The following NKAIN2 variants were observed in gnomAD, a reference collection of about 807,000 sequenced individuals.
The protein encoded by NKAIN2 is sodium/potassium transporting ATPase interacting 2.
Under a neutral mutation model 32.6 loss-of-function variants are expected in NKAIN2, and 14 were observed. That is an observed-to-expected ratio of 0.43 (90% CI 0.28 to 0.67). The LOEUF is 0.67. Ranked by LOEUF, NKAIN2 falls within the 30% of genes least tolerant of loss-of-function variation. The pLI, the probability that NKAIN2 is intolerant of heterozygous loss-of-function variation, is 0.17. For synonymous variants in NKAIN2, 80 were observed against 87.2 expected (o/e 0.92, Z 0.46); for missense variants, 198 against 258.3 (o/e 0.77, Z 1.60).
intron 2 of NKAIN2, among the ~76,000 whole-genome samples, chr6:124,352,650 C>A (rs1238659561): frequency 6.6e-6 from 1 of 152,178 alleles, no homozygotes; most frequent in Non-Finnish European, 1.5e-5. Flanking sequence ...GTTTATTTAG[C>A]TCTCCATTAT....
chr6:124,137,166 G>A (rs1786847544), intron 1 of NKAIN2, among the ~76,000 whole-genome samples: 1 of 151,994 alleles, frequency 6.6e-6, no homozygotes, highest in Admixed American at 6.6e-5. Context: ...AAAATTTCAT[G>A]GTACAAAGTC....
chr6:124,333,377 C>T (rs761215899), intron 2 of NKAIN2, among the ~76,000 whole-genome samples: 3 of 151,984 alleles, frequency 2.0e-5, no homozygotes, highest in Non-Finnish European at 4.4e-5. Context: ...AATAAATGAA[C>T]TTAGGCTGGG....
chr6:124,060,768 T>A (rs1782887317), intron 1 of NKAIN2, among the ~76,000 whole-genome samples: 1 of 152,200 alleles, frequency 6.6e-6, no homozygotes, highest in Admixed American at 6.5e-5. Context: ...TATAAAACTT[T>A]AAGGTACAGC....
At chr6:124,023,904 G>A (rs1395751110) in intron 1 of NKAIN2, among the ~76,000 whole-genome samples, 2 of 152,056 alleles carry the variant, frequency 1.3e-5, no homozygotes, top group East Asian at 1.9e-4. Flanking sequence ...TGCTAGTAGT[G>A]TACTATATGG....
At chr6:124,099,833 A>G (rs139092214) in intron 1 of NKAIN2, among the ~76,000 whole-genome samples, 20 of 152,328 alleles carry the variant, frequency 1.3e-4, no homozygotes, top group Non-Finnish European at 2.1e-4. Context: ...CAAAATATCA[A>G]TAGTGCTGAG....
intron 3 of NKAIN2, among the ~76,000 whole-genome samples, chr6:124,481,778 A>G (rs1777461718): frequency 6.6e-6 from 1 of 152,124 alleles, no homozygotes; most frequent in South Asian, 2.1e-4. Flanking sequence ...AAATCTGTGG[A>G]TCCTGAGAGA....
chr6:124,344,168 T>C (rs1798283903), intron 2 of NKAIN2, among the ~76,000 whole-genome samples: 2 of 152,186 alleles, frequency 1.3e-5, no homozygotes, highest in Admixed American at 6.5e-5. Flanking sequence ...TTCTGAGGGC[T>C]CTGTTCTGTC....
intron 1 of NKAIN2, among the ~76,000 whole-genome samples, chr6:123,891,065 A>G (rs931565397): frequency 6.6e-6 from 1 of 152,256 alleles, no homozygotes; most frequent in South Asian, 2.1e-4. Context: ...CCTTGAATAC[A>G]TTTGCCAAGT....
chr6:124,328,383 T>C (rs905531448), intron 2 of NKAIN2, among the ~76,000 whole-genome samples: 1 of 152,236 alleles, frequency 6.6e-6, no homozygotes, highest in African/African-American at 2.4e-5. Context: ...CTTATTCTAC[T>C]ACTACAGTTT....
chr6:124,331,889 G>A (rs1797676454), intron 2 of NKAIN2, among the ~76,000 whole-genome samples: 1 of 152,070 alleles, frequency 6.6e-6, no homozygotes. Context: ...TGCTGATTTA[G>A]ACAAAACTCA....
intron 1 of NKAIN2, among the ~76,000 whole-genome samples, chr6:124,084,468 T>C (rs1003322432): frequency 6.6e-6 from 1 of 152,004 alleles, no homozygotes; most frequent in Non-Finnish European, 1.5e-5. Flanking sequence ...ACACCTTGTA[T>C]GTTCATGTAT....
chr6:124,357,526 G>GA (rs912112282), intron 3 of NKAIN2, among the ~76,000 whole-genome samples: 30 of 145,778 alleles, frequency 2.1e-4, no homozygotes, highest in East Asian at 8.0e-4. Flanking sequence ...CAATCCATCA[G>GA]AAAAAAAAAA....
chr6:123,944,666 GA>G (rs1448165744), intron 1 of NKAIN2, among the ~76,000 whole-genome samples: 37 of 151,978 alleles, frequency 2.4e-4, no homozygotes, highest in Non-Finnish European at 4.4e-4. Flanking sequence ...TAAAACTTGA[GA>G]AAAAACTTGA....
At chr6:124,024,975 T>G (rs890542361) in intron 1 of NKAIN2, among the ~76,000 whole-genome samples, 1 of 142,594 alleles carries the variant, frequency 7.0e-6, no homozygotes, top group African/African-American at 2.9e-5. Flanking sequence ...CAGAGTGAGA[T>G]TCCGTCTCAA....
intron 1 of NKAIN2, among the ~76,000 whole-genome samples, chr6:124,219,509 A>G (rs1424804369): frequency 6.6e-6 from 1 of 151,880 alleles, no homozygotes; most frequent in Non-Finnish European, 1.5e-5. Context: ...AACTCCTGAC[A>G]TCAAATGATG....
intron 2 of NKAIN2, among the ~76,000 whole-genome samples, chr6:124,325,550 A>AAAT (rs1211507760): frequency 1.2e-4 from 19 of 152,176 alleles, no homozygotes; most frequent in South Asian, 1.0e-3. Context: ...TATTCATAAA[A>AAAT]AATAATACAA....
chr6:123,946,097 A>G (rs1777050126), intron 1 of NKAIN2, among the ~76,000 whole-genome samples: 1 of 152,144 alleles, frequency 6.6e-6, no homozygotes, highest in Admixed American at 6.6e-5. Flanking sequence ...TCTTATTTGC[A>G]TAATAAAAAG....
At chr6:124,084,340 T>G (rs928433601) in intron 1 of NKAIN2, among the ~76,000 whole-genome samples, 1 of 152,012 alleles carries the variant, frequency 6.6e-6, no homozygotes, top group Non-Finnish European at 1.5e-5. Context: ...TTTTTCTGTG[T>G]TTAGATATGG....
At chr6:123,919,562 G>T (rs1775653415) in intron 1 of NKAIN2, among the ~76,000 whole-genome samples, 1 of 152,096 alleles carries the variant, frequency 6.6e-6, no homozygotes, top group Non-Finnish European at 1.5e-5. Context: ...CAAAGGCAAG[G>T]TTCATGTGTG....
Sources: gnomAD v4.1 joint callset for allele counts (sites outside exome capture counted in the v4.1 genomes callset) on GRCh38, gnomAD v4.1.1 for gene constraint, MANE v1.5 for transcripts, NCBI Gene and HGNC (gene_info 2026-07-23, HGNC 2026-07-21) for gene names.